The following KLF7 variants were observed in gnomAD, a reference collection of about 807,000 sequenced individuals.
The protein encoded by KLF7 is KLF transcription factor 7.
In KLF7, 2 loss-of-function variants were observed where a neutral mutation model predicts 27.3. The ratio of observed to expected loss-of-function variants is 0.07; its 90% CI spans 0.03 to 0.23. The LOEUF (loss-of-function observed/expected upper bound fraction) is 0.23, where lower values mean the gene tolerates loss of function less well. Among genes scored for constraint, KLF7 ranks in the 10% least tolerant of loss-of-function variants. KLF7 has a pLI of 1.00. For synonymous variants in KLF7, 165 were observed against 162.4 expected, an observed-to-expected ratio of 1.02 and a Z score of -0.12; for missense variants, 221 against 394.1, an observed-to-expected ratio of 0.56 and a Z score of 3.72.
intron 1 of KLF7, among the ~76,000 whole-genome samples, chr2:207,130,239 A>G (rs891424037): frequency 7.9e-5 from 12 of 151,940 alleles, no homozygotes; most frequent in Non-Finnish European, 1.5e-4. Context: ...CTTTCATTCA[A>G]AGTTCAACAT....
chr2:207,125,256 A>C (rs1025326858), intron 1 of KLF7, among the ~76,000 whole-genome samples: 3 of 152,240 alleles, frequency 2.0e-5, no homozygotes, highest in Non-Finnish European at 2.9e-5. Flanking sequence ...GTTTCAACAA[A>C]TCTTCATCCA....
At chr2:207,158,626 T>G (rs1014200396) in intron 1 of KLF7, among the ~76,000 whole-genome samples, 1 of 152,228 alleles carries the variant, frequency 6.6e-6, no homozygotes, top group Non-Finnish European at 1.5e-5. Flanking sequence ...ATAATTTTTA[T>G]AAGACTCGAG....
chr2:207,113,273 T>C (rs1047960070), intron 2 of KLF7, among the ~76,000 whole-genome samples: 7 of 152,166 alleles, frequency 4.6e-5, no homozygotes, highest in Middle Eastern at 6.3e-3. Context: ...ACCAAAGCTG[T>C]CATTTGAGTT....
intron 2 of KLF7, among the ~76,000 whole-genome samples, chr2:207,123,230 G>A (rs1023043081): frequency 2.6e-5 from 4 of 151,958 alleles, no homozygotes; most frequent in Non-Finnish European, 4.4e-5. Context: ...TAAAGCACGC[G>A]CCAGAGAACA....
At chr2:207,163,738 C>T (rs2078615731) in intron 1 of KLF7, among the ~76,000 whole-genome samples, 1 of 152,232 alleles carries the variant, frequency 6.6e-6, no homozygotes, top group Admixed American at 6.5e-5. Flanking sequence ...CTGACTAAAT[C>T]AACAGATTCC....
intron 1 of KLF7, among the ~76,000 whole-genome samples, chr2:207,146,490 T>C (rs2078100309): frequency 6.6e-6 from 1 of 152,152 alleles, no homozygotes; most frequent in African/African-American, 2.4e-5. Context: ...CCAGACCCCT[T>C]TCCCTTGCTT....
At chr2:207,109,564 T>C (rs2076972517) in intron 2 of KLF7, among the ~76,000 whole-genome samples, 1 of 152,194 alleles carries the variant, frequency 6.6e-6, no homozygotes. Context: ...TGGAAGGATG[T>C]ATGTGAAACA....
Position 207,074,290 on chromosome 2 carries a change from T to C in KLF7, c.*6923A>G, listed in dbSNP as rs1574395353. The C allele has an allele frequency of 1.3e-5, 2 of 152,318 alleles. No homozygotes were observed. The highest frequency in any genetic ancestry group is 6.8e-3 in the Middle Eastern group (2 of 294). 9.4% of individuals were successfully genotyped at this position (152,318 alleles called of 1,614,324 possible). ...CCATGTGACAAATGTGTTTTACTGC[T>C]GTTTCCTGTGAATGACACCACTTCT... On this transcript the variant is annotated 3_prime_UTR_variant, in exon 4 of 4. Transcript: ENST00000309446.
chr2:207,087,563 G>T (rs541048495), intron 3 of KLF7, among the ~76,000 whole-genome samples: 2 of 152,122 alleles, frequency 1.3e-5, no homozygotes, highest in Non-Finnish European at 2.9e-5. Context: ...GCTTTCAGGG[G>T]CTTTTATCGT....
At chr2:207,136,262 C>T (rs1051186176) in intron 1 of KLF7, among the ~76,000 whole-genome samples, 12 of 152,160 alleles carry the variant, frequency 7.9e-5, no homozygotes, top group Non-Finnish European at 1.3e-4. Flanking sequence ...CCTGTTGTCA[C>T]TCTCAGTTCC....
intron 1 of KLF7, among the ~76,000 whole-genome samples, chr2:207,133,735 A>G (rs1043906689): frequency 6.6e-6 from 1 of 152,112 alleles, no homozygotes; most frequent in Admixed American, 6.5e-5. Flanking sequence ...CCTGCCTCTT[A>G]AGAGGGGGAG....
upstream of KLF7, among the ~76,000 whole-genome samples, chr2:207,169,525 T>C (rs2078771983): frequency 6.6e-6 from 1 of 152,206 alleles, no homozygotes; most frequent in Admixed American, 6.5e-5. Flanking sequence ...TAAATGTTAT[T>C]AAAATACATT....
At chr2:207,149,703 TTC>T (rs1457683257) in intron 1 of KLF7, among the ~76,000 whole-genome samples, 1 of 152,210 alleles carries the variant, frequency 6.6e-6, no homozygotes, top group African/African-American at 2.4e-5. Flanking sequence ...TCTCAACATA[TTC>T]ATTTGAAGAG....
At chr2:207,117,917 A>C (rs1022581634) in intron 2 of KLF7, among the ~76,000 whole-genome samples, 2 of 152,168 alleles carry the variant, frequency 1.3e-5, no homozygotes, top group African/African-American at 4.8e-5. Flanking sequence ...ACTCCTTCCC[A>C]AATGGACCAC....
At chr2:207,144,168 G>GT (rs1384086950) in intron 1 of KLF7, among the ~76,000 whole-genome samples, 4 of 64,638 alleles carry the variant, frequency 6.2e-5, no homozygotes, top group African/African-American at 2.2e-4. Flanking sequence ...GCGGGGGGGA[G>GT]AAAAAAAAAA....
chr2:207,114,212 T>C (rs187580814), intron 2 of KLF7, among the ~76,000 whole-genome samples: 1 of 152,326 alleles, frequency 6.6e-6, no homozygotes, highest in East Asian at 1.9e-4. Context: ...AAATGTCTTA[T>C]TACCTATATC....
chr2:207,093,411 G>A lies in KLF7; in HGVS notation c.734-4830C>T, dbSNP rs2076555327. ...CACCACATTGCTGCCCTGCCTGCAG[G>A]CTCCCACCTCGAGGCCTTTGCACTG... On this transcript the variant is annotated intron_variant, in intron 2 of 3. Coordinates refer to ENST00000309446, the MANE Select transcript of KLF7 (RefSeq NM_003709.4). 2.0e-5 allele frequency among the ~76,000 whole-genome samples: 3 copies of A among 152,056 alleles called. No homozygotes were observed. In the South Asian group the frequency reaches 6.2e-4, roughly 32 times the overall value.
intron 2 of KLF7, among the ~76,000 whole-genome samples, chr2:207,097,565 C>A (rs565028669): frequency 6.6e-6 from 1 of 152,078 alleles, no homozygotes; most frequent in Admixed American, 6.6e-5. Context: ...TGGAAATACA[C>A]GGGACTAAAG....
At chr2:207,109,787 T>C (rs2076978390) in intron 2 of KLF7, among the ~76,000 whole-genome samples, 1 of 152,162 alleles carries the variant, frequency 6.6e-6, no homozygotes, top group Non-Finnish European at 1.5e-5. Context: ...GCCATCAAGA[T>C]AATATTACTA....
Sources: gnomAD v4.1 joint callset for allele counts (sites outside exome capture counted in the v4.1 genomes callset) on GRCh38, gnomAD v4.1.1 for gene constraint, MANE v1.5 for transcripts, NCBI Gene and HGNC (gene_info 2026-07-23, HGNC 2026-07-21) for gene names.